FARS2: variants seen among roughly 807,000 people sequenced by gnomAD.
The protein encoded by FARS2 is phenylalanyl-tRNA synthetase 2, mitochondrial.
FARS2 carries 40 observed loss-of-function variants against 46.4 expected under a neutral mutation model. The ratio of observed to expected loss-of-function variants is 0.86; its 90% CI spans 0.67 to 1.12. FARS2 has a LOEUF of 1.12. FARS2 is among the 50% of genes most tolerant of loss of function. FARS2 has a pLI of 0.00. For synonymous variants in FARS2, 234 were observed against 214.9 expected, an observed-to-expected ratio of 1.09 and a Z score of -0.78; for missense variants, 513 against 567.9, an observed-to-expected ratio of 0.90 and a Z score of 0.98.
intron 4 of FARS2, among the ~76,000 whole-genome samples, chr6:5,489,194 C>G (rs532491546): frequency 6.6e-6 from 1 of 152,070 alleles, no homozygotes; most frequent in East Asian, 1.9e-4. Flanking sequence ...TGGCTCACAC[C>G]TATAATCTGA....
chr6:5,562,695 T>TACACACAC (rs35980009), intron 5 of FARS2, among the ~76,000 whole-genome samples: 3,658 of 135,718 alleles, frequency 0.027, 76 homozygotes, highest in African/African-American at 0.056. Flanking sequence ...CTGTAATTTA[T>TACACACAC]ACACACACAC....
chr6:5,284,858 C>A (rs1766997395), intron 1 of FARS2, among the ~76,000 whole-genome samples: 1 of 152,192 alleles, frequency 6.6e-6, no homozygotes. Context: ...CCTTTCGACT[C>A]CGGTGATCAC....
At chr6:5,275,940 GAAGTT>G in intron 1 of FARS2, among the ~76,000 whole-genome samples, 1 of 152,118 alleles carries the variant, frequency 6.6e-6, no homozygotes, top group South Asian at 2.1e-4. Flanking sequence ...TTTATATATT[GAAGTT>G]AAGAGCCCCT....
intron 6 of FARS2, among the ~76,000 whole-genome samples, chr6:5,747,191 A>G (rs1209071747): frequency 6.6e-6 from 1 of 152,244 alleles, no homozygotes; most frequent in Non-Finnish European, 1.5e-5. Flanking sequence ...ATAAGGTCAC[A>G]AAGATCAGGC....
At chr6:5,685,660 C>T (rs1250062589) in intron 6 of FARS2, among the ~76,000 whole-genome samples, 2 of 152,100 alleles carry the variant, frequency 1.3e-5, no homozygotes, top group African/African-American at 4.8e-5. Flanking sequence ...ATAAAGCGTA[C>T]GAGGTTTTTG....
intron 2 of FARS2, among the ~76,000 whole-genome samples, chr6:5,395,805 T>C (rs898745502): frequency 1.3e-5 from 2 of 152,246 alleles, no homozygotes; most frequent in Non-Finnish European, 2.9e-5. Flanking sequence ...TTTATCCTTG[T>C]AGTAACATTT....
At position 5,317,679 on chromosome 6, in the gene FARS2, C is replaced by T. The variant is rs142228869; in HGVS notation, c.-21-50871C>T. Among the ~76,000 whole-genome samples, 334 of 151,716 alleles carry T rather than the reference C, an allele frequency of 2.2e-3. 1 individual carries two copies. The highest frequency in any genetic ancestry group is 7.7e-3 in the African/African-American group (319 of 41,304). On this transcript the variant is annotated intron_variant, in intron 1 of 6. Coordinates refer to ENST00000274680, the MANE Select transcript of FARS2 (RefSeq NM_006567.5). ...CCTGAAGTTGCAGCTACTCGGAGGG[C>T]GGAGGCGGGAGAATCTCTTGAGCCC...
At chr6:5,638,833 G>T (rs1302099744) in intron 6 of FARS2, among the ~76,000 whole-genome samples, 1 of 152,148 alleles carries the variant, frequency 6.6e-6, no homozygotes, top group Non-Finnish European at 1.5e-5. Flanking sequence ...CCAGGATAGG[G>T]GCCTCCACTG....
At chr6:5,355,455 C>T (rs1185516013) in intron 1 of FARS2, among the ~76,000 whole-genome samples, 1 of 149,276 alleles carries the variant, frequency 6.7e-6, no homozygotes, top group East Asian at 2.0e-4. Flanking sequence ...CTGCTGGGTT[C>T]AAGCAGTTCT....
chr6:5,533,413 C>A (rs1769987124), intron 4 of FARS2, among the ~76,000 whole-genome samples: 1 of 152,142 alleles, frequency 6.6e-6, no homozygotes. Context: ...GAATACTATC[C>A]ATTTAAATTA....
chr6:5,366,865 G>A (rs1758716439), intron 1 of FARS2, among the ~76,000 whole-genome samples: 1 of 152,232 alleles, frequency 6.6e-6, no homozygotes, highest in Admixed American at 6.5e-5. Flanking sequence ...GTGCCAAGAT[G>A]TGTAAGGCTG....
At chr6:5,568,707 A>G (rs1772460477) in intron 5 of FARS2, among the ~76,000 whole-genome samples, 1 of 152,182 alleles carries the variant, frequency 6.6e-6, no homozygotes, top group East Asian at 1.9e-4. Context: ...CGCAAAGCTT[A>G]GGCTTTGAAT....
chr6:5,433,470 G>GT (rs932970825), intron 4 of FARS2, among the ~76,000 whole-genome samples: 2 of 152,198 alleles, frequency 1.3e-5, no homozygotes, highest in African/African-American at 4.8e-5. Flanking sequence ...CTAACCAAGT[G>GT]TAATTTGTTA....
intron 4 of FARS2, among the ~76,000 whole-genome samples, chr6:5,436,552 T>C (rs1032294545): frequency 6.6e-6 from 1 of 152,238 alleles, no homozygotes; most frequent in Non-Finnish European, 1.5e-5. Context: ...GTAGGGCAGA[T>C]AAGATTATAT....
At chr6:5,439,369 C>T (rs1763716841) in intron 4 of FARS2, among the ~76,000 whole-genome samples, 1 of 152,242 alleles carries the variant, frequency 6.6e-6, no homozygotes, top group South Asian at 2.1e-4. Context: ...GACACACAGA[C>T]AGGCTTCTCT....
At chr6:5,375,414 A>G (rs57508542) in intron 2 of FARS2, among the ~76,000 whole-genome samples, 5,616 of 152,100 alleles carry the variant, frequency 0.037, 314 homozygotes, top group African/African-American at 0.12. Flanking sequence ...ACATAGAAGA[A>G]CATAAGGAGA....
At chr6:5,539,145 C>T (rs554783778) in intron 4 of FARS2, among the ~76,000 whole-genome samples, 4 of 152,074 alleles carry the variant, frequency 2.6e-5, no homozygotes, top group African/African-American at 9.6e-5. Context: ...AACCATCAGC[C>T]TTCCTTTCCC....
chr6:5,322,443 A>C (rs566671981), intron 1 of FARS2, among the ~76,000 whole-genome samples: 1 of 152,244 alleles, frequency 6.6e-6, no homozygotes, highest in African/African-American at 2.4e-5. Context: ...AGCACTGAGC[A>C]TGTTCTCATT....
At chr6:5,308,893 G>C (rs2127544722) in intron 1 of FARS2, among the ~76,000 whole-genome samples, 1 of 152,242 alleles carries the variant, frequency 6.6e-6, no homozygotes, top group South Asian at 2.1e-4. Flanking sequence ...GGGCTTTCTG[G>C]TTCATAGATG....
Sources: gnomAD v4.1 joint callset for allele counts (sites outside exome capture counted in the v4.1 genomes callset) on GRCh38, gnomAD v4.1.1 for gene constraint, MANE v1.5 for transcripts, NCBI Gene and HGNC (gene_info 2026-07-23, HGNC 2026-07-21) for gene names.